ANKRD26: variants seen among roughly 807,000 people sequenced by gnomAD.
ANKRD26 encodes ankyrin repeat domain-containing protein 26.
Under a neutral mutation model 208.7 loss-of-function variants are expected in ANKRD26, and 141 were observed. That is an observed-to-expected ratio of 0.68 (90% CI 0.59 to 0.78). The LOEUF (loss-of-function observed/expected upper bound fraction) is 0.78, where lower values mean the gene tolerates loss of function less well. Among genes scored for constraint, ANKRD26 ranks in the 30% least tolerant of loss-of-function variants. The pLI, the probability that ANKRD26 is intolerant of heterozygous loss-of-function variation, is 0.00. For synonymous variants in ANKRD26, 636 were observed against 660.4 expected (o/e 0.96, Z 0.57); for missense variants, 1,889 against 1,938.7 (o/e 0.97, Z 0.48).
At chr10:27,063,913 A>G in intron 12 of ANKRD26, 75 bp downstream of exon 12, 1 of 1,207,966 alleles carries the variant, frequency 8.3e-7, no homozygotes, top group Admixed American at 1.8e-5. Context: ...TTCGGCTATT[A>G]GAATATATCA....
At chr10:27,061,273 A>G (rs749233802) in intron 12 of ANKRD26, 31 bp from the exon 13 acceptor site, 2 of 1,413,604 alleles carry the variant, frequency 1.4e-6, no homozygotes, top group African/African-American at 1.4e-5. Flanking sequence ...AGCTTTCAAT[A>G]TTGTAATATT....
At chr10:27,027,181 T>G (rs2053689207) in intron 27 of ANKRD26, among the ~76,000 whole-genome samples, 1 of 152,248 alleles carries the variant, frequency 6.6e-6, no homozygotes, top group African/African-American at 2.4e-5. Flanking sequence ...AATGTCCTGC[T>G]GGAGCAGCCA....
chr10:26,982,752 C>T (rs983105168), exon 4 of ANKRD26, among the ~76,000 whole-genome samples: 1 of 152,182 alleles, frequency 6.6e-6, no homozygotes, highest in African/African-American at 2.4e-5. Flanking sequence ...TTTGGGCAAC[C>T]ATTACTCTAG....
At chr10:26,991,426 T>C (rs944758598), downstream of ANKRD26, among the ~76,000 whole-genome samples, 8 of 151,954 alleles carry the variant, frequency 5.3e-5, no homozygotes, top group African/African-American at 7.3e-5. Context: ...AGGGTAGATA[T>C]TGAAGGAAGG....
At chr10:27,069,457 C>A (rs1279608045) in intron 9 of ANKRD26, among the ~76,000 whole-genome samples, 3 of 151,946 alleles carry the variant, frequency 2.0e-5, no homozygotes, top group Non-Finnish European at 4.4e-5. Context: ...ATTTGAGGCA[C>A]CCAGGGAACT....
chr10:27,024,453 A>G lies in ANKRD26; in HGVS notation c.4079T>C (p.Ile1360Thr). 2 of 1,463,296 alleles carry G rather than the reference A, an allele frequency of 1.4e-6. No individual in the cohort carries two copies. The highest frequency in any genetic ancestry group is 1.9e-6 in the Non-Finnish European group (2 of 1,048,172). 90.6% of individuals were successfully genotyped at this position (1,463,296 alleles called of 1,614,324 possible). The change falls in exon 28 of 34, where the codon ATA (isoleucine) becomes ACA (threonine). Residue 1360 changes from isoleucine (I) to threonine (T), a missense_variant. By Grantham distance (89) the Ile-to-Thr change is moderately conservative (BLOSUM62 -1). Coordinates refer to ENST00000376087, the MANE Select transcript of ANKRD26 (RefSeq NM_014915.3). Reference sequence around the variant, plus strand: ...TGAAATATTAAAATCTTACCCAGTTATCTCTCTTTCTAATTCAACATTTTT... The same window carrying G: ...TGAAATATTAAAATCTTACCCAGTTGTCTCTCTTTCTAATTCAACATTTTT... ...MKKNVELERE[I>T]TGFKNLLKMT...
intron 1 of ANKRD26, 107 bp from the exon 2 acceptor site, chr10:27,093,906 T>A: frequency 1.1e-6 from 1 of 884,474 alleles, no homozygotes; most frequent in Non-Finnish European, 1.7e-6. Flanking sequence ...GGTTTGGCTG[T>A]GTCCCCACCC....
At position 27,022,459 on chromosome 10, in the gene ANKRD26, T is replaced by TA. The variant is rs201745310; in HGVS notation, c.4215+98dup. 23,239 of 911,042 alleles carry TA rather than the reference T, an allele frequency of 0.026. 342 individuals are homozygous for TA. Among genetic ancestry groups the TA allele is most frequent in the East Asian group, 0.18 (5,556 of 30,060 alleles). The allele number at this position is 911,042 out of a possible 1,614,324, so 56.4% of individuals were successfully genotyped here. A position where few individuals can be genotyped will look rare whatever the true frequency, so the allele number is the denominator to read the frequency against. ...TTTATTAGTATCAAGTCCCTAAAGT[T>TA]AAAAAAAAAAATCTTTATTTCACTG... On this transcript the variant is annotated intron_variant, in intron 29 of 33. Coordinates refer to ENST00000376087, the MANE Select transcript of ANKRD26 (RefSeq NM_014915.3).
At position 27,080,330 on chromosome 10, in the gene ANKRD26, C is replaced by T. The variant is rs1477180018; in HGVS notation, c.741-1169G>A. Among the ~76,000 whole-genome samples, 3 of 152,116 alleles carry T rather than the reference C, an allele frequency of 2.0e-5. No individual in the cohort carries two copies. In the East Asian group the frequency reaches 5.8e-4, roughly 29 times the overall value. ...ATGAAAACCACTTAAGGCCTCATTG[C>T]TTCCCTTCACCCTAAAACAGTATAA... On this transcript the variant is annotated intron_variant, in intron 6 of 33. Transcript: ENST00000376087.
chr10:27,099,566 G>GA (rs1254820455), intron 1 of ANKRD26, among the ~76,000 whole-genome samples: 2 of 143,132 alleles, frequency 1.4e-5, no homozygotes, highest in Non-Finnish European at 3.1e-5. Context: ...TAGAGTTGGG[G>GA]GGGGGGGTCT....
At chr10:27,006,073 A>T (rs1478867888) in intron 33 of ANKRD26, among the ~76,000 whole-genome samples, 2 of 152,230 alleles carry the variant, frequency 1.3e-5, no homozygotes, top group Non-Finnish European at 2.9e-5. Flanking sequence ...CAATTTCCAT[A>T]CAAAGTCACA....
intron 9 of ANKRD26, among the ~76,000 whole-genome samples, chr10:27,074,851 G>A (rs917925381): frequency 2.0e-5 from 3 of 152,026 alleles, no homozygotes; most frequent in African/African-American, 7.2e-5. Flanking sequence ...AAAATAACCT[G>A]TAAAGGAAAA....
intron 33 of ANKRD26, 75 bp downstream of exon 33, chr10:27,006,842 C>T: frequency 8.7e-7 from 1 of 1,146,912 alleles, no homozygotes; most frequent in Admixed American, 1.7e-5. Context: ...GAAAGGGATC[C>T]CACTCACGAT....
chr10:26,978,964 T>G (rs888787718), intron 5 of ANKRD26, among the ~76,000 whole-genome samples: 92 of 152,320 alleles, frequency 6.0e-4, no homozygotes, highest in African/African-American at 2.2e-3. Context: ...GGCTCAAGCC[T>G]GTAATCCCAG....
rs764636856 is a variant in ANKRD26 at position 27,100,225 on chromosome 10, G to A, written c.102C>T (p.Ala34=). 7 of 1,612,954 alleles carry A rather than the reference G, an allele frequency of 4.3e-6. No homozygotes were observed. In the South Asian group the frequency reaches 5.5e-5, roughly 13 times the overall value. The part of the protein sequence containing the change: ...AGGGGEPGEG[A]YSQPGYHVRD... ...GGACGTGGTAGCCGGGCTGCGAGTA[G>A]GCGCCCTCCCCCGGCTCGCCCCCGC... The change falls in exon 1 of 34, where the codon GCC becomes GCT. Residue 34 remains alanine (A), a synonymous_variant. Coordinates refer to ENST00000376087, the MANE Select transcript of ANKRD26 (RefSeq NM_014915.3).
chr10:27,032,563 G>A (rs1203225948), intron 25 of ANKRD26, among the ~76,000 whole-genome samples: 1 of 151,914 alleles, frequency 6.6e-6, no homozygotes, highest in African/African-American at 2.4e-5. Context: ...TTGAACCCAG[G>A]AGGCGGAGGT....
intron 15 of ANKRD26, among the ~76,000 whole-genome samples, chr10:27,058,192 G>A (rs1009583749): frequency 2.0e-5 from 3 of 151,980 alleles, no homozygotes; most frequent in Non-Finnish European, 2.9e-5. Context: ...CATCATCAAG[G>A]GACCATTTAT....
chr10:27,041,963 T>C (rs370462476), intron 20 of ANKRD26, among the ~76,000 whole-genome samples: 1 of 152,074 alleles, frequency 6.6e-6, no homozygotes, highest in East Asian at 1.9e-4. Context: ...GGTATGATAT[T>C]ATTTGAAGGT....
downstream of ANKRD26, chr10:27,004,045 T>C (rs1323564284): frequency 6.6e-6 from 1 of 152,182 alleles, no homozygotes; most frequent in Non-Finnish European, 1.5e-5. Context: ...TACAGTTATG[T>C]AAGGTAATTC....
Sources: allele counts gnomAD v4.1 joint callset (sites outside exome capture counted in the v4.1 genomes callset), GRCh38; gene constraint gnomAD v4.1.1; transcripts MANE v1.5; gene names NCBI Gene and HGNC (gene_info 2026-07-23, HGNC 2026-07-21).